The following MTCH2 variants were observed in gnomAD, a reference collection of about 807,000 sequenced individuals.
MTCH2 encodes the protein mitochondrial carrier 2, also known as mitochondrial carrier homolog 2.
Under a neutral mutation model 50.6 loss-of-function variants are expected in MTCH2, and 25 were observed. The observed-to-expected ratio is 0.49, with a 90% CI of 0.36 to 0.69. MTCH2 has a LOEUF of 0.69. Among genes scored for constraint, MTCH2 ranks in the 30% least tolerant of loss-of-function variants. MTCH2 has a pLI of 0.00. For synonymous variants in MTCH2, 106 were observed against 132.0 expected (o/e 0.80, Z 1.35); for missense variants, 273 against 384.4 (o/e 0.71, Z 2.42).
chr11:47,625,922 C>T (rs1308246075), intron 10 of MTCH2, among the ~76,000 whole-genome samples, 181 bp from the exon 11 acceptor site: 1 of 152,188 alleles, frequency 6.6e-6, no homozygotes, highest in African/African-American at 2.4e-5. Context: ...CCTCTTAGCA[C>T]ACCACTGCAT....
At chr11:47,637,093 G>A (rs947997184) in intron 3 of MTCH2, among the ~76,000 whole-genome samples, 5 of 151,704 alleles carry the variant, frequency 3.3e-5, no homozygotes, top group Admixed American at 1.3e-4. Flanking sequence ...AGATTCAAGC[G>A]ATTCTCCTGC....
At position 47,625,705 on chromosome 11, in the gene MTCH2, C is replaced by A; in HGVS notation, c.718G>T (p.Val240Phe). The A allele has an allele frequency of 6.2e-7, 1 of 1,613,556 alleles. No homozygotes were observed. The highest frequency in any genetic ancestry group is 8.5e-7 in the Non-Finnish European group (1 of 1,179,562). The change falls in exon 11 of 13, where the codon GTC becomes TTC. Residue 240 changes from valine to phenylalanine, a missense_variant. Val to Phe is a conservative substitution (Grantham distance 50). Coordinates refer to ENST00000302503, the MANE Select transcript of MTCH2 (RefSeq NM_014342.4). ...ASMLTYPFVL[V>F]SNLMAVNNCG... ...TTGTTGACAGCCATAAGATTGGAGACAAGCACAAAGGGATAGGTCAACATA... is the reference window on the plus strand; with the variant it reads ...TTGTTGACAGCCATAAGATTGGAGAAAAGCACAAAGGGATAGGTCAACATA...
intron 12 of MTCH2, among the ~76,000 whole-genome samples, chr11:47,620,481 A>AAAAAC (rs929457413): frequency 2.5e-4 from 38 of 151,882 alleles, no homozygotes; most frequent in East Asian, 2.3e-3. Flanking sequence ...ACCCTGTCTC[A>AAAAAC]AAAACAAAAC....
chr11:47,609,124 CAAAAAAAAAA>C, the MTCH2 span, among the ~76,000 whole-genome samples: 1 of 89,918 alleles, frequency 1.1e-5, no homozygotes, highest in Non-Finnish European at 2.1e-5. Flanking sequence ...AACTCTGTCT[CAAAAAAAAAA>C]AAAAAAAAAA....
At chr11:47,639,117 C>A (rs2097311669) in intron 1 of MTCH2, 66 bp from the exon 2 acceptor site, 2 of 1,393,696 alleles carry the variant, frequency 1.4e-6, no homozygotes, top group Non-Finnish European at 2.0e-6. Context: ...CTTGCAAGGT[C>A]TTGAATAAAG....
At chr11:47,619,210 T>C (rs79754936) in intron 12 of MTCH2, among the ~76,000 whole-genome samples, 3,580 of 152,300 alleles carry the variant, frequency 0.024, 71 homozygotes, top group Non-Finnish European at 0.035. Flanking sequence ...GTGCCTAACA[T>C]TCAGTAAGTG....
intron 1 of MTCH2, among the ~76,000 whole-genome samples, chr11:47,641,909 A>T (rs939068141): frequency 2.0e-5 from 3 of 152,210 alleles, no homozygotes. Context: ...TAAAAAGAAA[A>T]AAAAAAGGAA....
chr11:47,638,667 C>G, intron 3 of MTCH2, 32 bp downstream of exon 3: 1 of 1,279,804 alleles, frequency 7.8e-7, no homozygotes, highest in Non-Finnish European at 1.0e-6. Flanking sequence ...TAAGCAACAT[C>G]TATGGGAAGA....
chr11:47,611,125 G>T, the MTCH2 span, among the ~76,000 whole-genome samples: 1 of 152,212 alleles, frequency 6.6e-6, no homozygotes, highest in African/African-American at 2.4e-5. Flanking sequence ...CTCCCTGTCA[G>T]TGGACAGTAA....
chr11:47,622,227 C>T (rs1445889476), intron 12 of MTCH2, among the ~76,000 whole-genome samples: 2 of 152,094 alleles, frequency 1.3e-5, no homozygotes, highest in Non-Finnish European at 2.9e-5. Flanking sequence ...GCAGATTATA[C>T]ACCTCATAGT....
At chr11:47,616,524 G>A (rs1318665364), downstream of MTCH2, among the ~76,000 whole-genome samples, 1 of 151,266 alleles carries the variant, frequency 6.6e-6, no homozygotes, top group African/African-American at 2.4e-5. Flanking sequence ...ATTTTTAGTA[G>A]ATATATTGGC....
intron 12 of MTCH2, among the ~76,000 whole-genome samples, chr11:47,621,327 T>C (rs984082477): frequency 3.3e-5 from 5 of 152,166 alleles, no homozygotes; most frequent in African/African-American, 1.2e-4. Flanking sequence ...TCTTCTACAA[T>C]CTTTTAAGAA....
At chr11:47,605,448 T>C in the MTCH2 span, among the ~76,000 whole-genome samples, 1 of 152,078 alleles carries the variant, frequency 6.6e-6, no homozygotes, top group East Asian at 1.9e-4. Context: ...TAAATGCAGG[T>C]CTCTCCACTT....
At chr11:47,617,045 A>G (rs2097288845), downstream of MTCH2, among the ~76,000 whole-genome samples, 1 of 152,166 alleles carries the variant, frequency 6.6e-6, no homozygotes, top group Non-Finnish European at 1.5e-5. Flanking sequence ...TTAGACTTTT[A>G]TGTTAGTAGC....
intron 12 of MTCH2, 29 bp from the exon 13 acceptor site, chr11:47,618,948 A>G: frequency 1.0e-5 from 16 of 1,581,884 alleles, no homozygotes; most frequent in East Asian, 4.5e-5. Context: ...CAAAACACAA[A>G]TAATATCTAG....
At chr11:47,634,025 A>C (rs1255757930) in intron 5 of MTCH2, among the ~76,000 whole-genome samples, 1 of 152,144 alleles carries the variant, frequency 6.6e-6, no homozygotes, top group African/African-American at 2.4e-5. Flanking sequence ...AAAATGTCAA[A>C]AGAGCCTTTC....
At chr11:47,615,458 A>T (rs1028644278), downstream of MTCH2, among the ~76,000 whole-genome samples, 3 of 152,202 alleles carry the variant, frequency 2.0e-5, no homozygotes, top group African/African-American at 7.2e-5. Context: ...TGGGACTCTC[A>T]GTGACTTCAC....
At chr11:47,630,519 C>T (rs774506354) in intron 8 of MTCH2, 36 bp downstream of exon 8, 6 of 1,543,650 alleles carry the variant, frequency 3.9e-6, no homozygotes, top group Non-Finnish European at 5.4e-6. Context: ...GTTTCCCACT[C>T]ATGCAAAAAT....
intron 11 of MTCH2, among the ~76,000 whole-genome samples, chr11:47,623,244 T>C (rs1177831650): frequency 6.6e-6 from 1 of 152,018 alleles, no homozygotes; most frequent in Non-Finnish European, 1.5e-5. Context: ...TGGTGGCGCA[T>C]GCCTGTAATC....
Sources: allele counts gnomAD v4.1 joint callset (sites outside exome capture counted in the v4.1 genomes callset), GRCh38; gene constraint gnomAD v4.1.1; transcripts MANE v1.5; gene names NCBI Gene and HGNC (gene_info 2026-07-23, HGNC 2026-07-21).